CHD1L: variants seen among roughly 807,000 people sequenced by gnomAD.
CHD1L encodes the protein chromodomain helicase DNA binding protein 1 like, also known as ATP-dependent chromatin remodeler CHD1L.
CHD1L carries 118 observed loss-of-function variants against 115.9 expected under a neutral mutation model. The ratio of observed to expected loss-of-function variants is 1.02; its 90% CI spans 0.88 to 1.19. The LOEUF is 1.19. Ranked by LOEUF, CHD1L falls within the 50% of genes most tolerant of loss-of-function variation. The probability of loss-of-function intolerance (pLI) is 0.00; values close to 1 mark genes in which losing one functional copy is unlikely to be tolerated. For missense variants in CHD1L, 1,179 were observed against 1,065.3 expected (o/e 1.11, Z -1.49); for synonymous variants, 411 against 387.1 (o/e 1.06, Z -0.72).
chr1:147,198,977 G>A, the CHD1L span, among the ~76,000 whole-genome samples: 3 of 151,518 alleles, frequency 2.0e-5, no homozygotes, highest in African/African-American at 7.3e-5. Context: ...GAGATTTGGT[G>A]TAACTTGATA....
intron 14 of CHD1L, among the ~76,000 whole-genome samples, chr1:147,277,797 A>T (rs1255726742): frequency 6.6e-6 from 1 of 152,166 alleles, no homozygotes; most frequent in Non-Finnish European, 1.5e-5. Context: ...AAGAGAGAGA[A>T]GGTCACTGCT....
the CHD1L span, chr1:147,211,592 T>A: frequency 1.3e-5 from 2 of 152,210 alleles, no homozygotes; most frequent in African/African-American, 4.8e-5. Flanking sequence ...CATGGCTTAA[T>A]TAAAGTTACT....
the CHD1L span, chr1:147,203,391 G>T: frequency 1.0e-6 from 1 of 993,718 alleles, no homozygotes; most frequent in Non-Finnish European, 1.6e-6. Flanking sequence ...CATTAGCAGC[G>T]AGTTTGATAG....
chr1:147,225,033 C>A, the CHD1L span: 1 of 1,588,150 alleles, frequency 6.3e-7, no homozygotes, highest in South Asian at 1.1e-5. Context: ...TAGTCATGGT[C>A]TCCCGAGATC....
the CHD1L span, among the ~76,000 whole-genome samples, chr1:147,182,535 G>A: frequency 6.6e-6 from 1 of 152,188 alleles, no homozygotes; most frequent in African/African-American, 2.4e-5. Context: ...GTTAAATGTA[G>A]CTGAAGCTAA....
At chr1:147,207,816 G>A in the CHD1L span, among the ~76,000 whole-genome samples, 10 of 152,104 alleles carry the variant, frequency 6.6e-5, no homozygotes, top group Non-Finnish European at 1.3e-4. Context: ...CTACCCATTC[G>A]CTCTGAAGTA....
chr1:147,279,833 CCT>C (rs1357299905), intron 14 of CHD1L, among the ~76,000 whole-genome samples, 191 bp from the exon 15 acceptor site: 2 of 152,070 alleles, frequency 1.3e-5, no homozygotes, highest in African/African-American at 2.4e-5. Context: ...TCATTTATCA[CCT>C]CTCTGCTTAC....
chr1:147,237,097 C>T, the CHD1L span, among the ~76,000 whole-genome samples: 2 of 152,194 alleles, frequency 1.3e-5, no homozygotes, highest in African/African-American at 2.4e-5. Context: ...CCTGAGGGGG[C>T]CAAAGCCATG....
chr1:147,260,196 A>C, intron 6 of CHD1L: 1 of 262,838 alleles, frequency 3.8e-6, no homozygotes, highest in Non-Finnish European at 7.4e-6. Context: ...ATTCGGGTTC[A>C]CTCTTGGTGG....
chr1:147,174,969 C>A, the CHD1L span: 1 of 152,278 alleles, frequency 6.6e-6, no homozygotes, highest in South Asian at 2.1e-4. Context: ...CAAGCCTTTA[C>A]ACACACTGCT....
At chr1:147,232,140 G>A in the CHD1L span, among the ~76,000 whole-genome samples, 4 of 152,180 alleles carry the variant, frequency 2.6e-5, no homozygotes, top group East Asian at 3.9e-4. Flanking sequence ...TTGAGGGAGG[G>A]CTGCAAAGGA....
the CHD1L span, among the ~76,000 whole-genome samples, chr1:147,228,527 T>C: frequency 6.6e-6 from 1 of 152,234 alleles, no homozygotes; most frequent in African/African-American, 2.4e-5. Flanking sequence ...ATATACCCAG[T>C]AATGGGATGG....
At chr1:147,239,569 G>T (rs781990626), upstream of CHD1L, among the ~76,000 whole-genome samples, 3 of 152,106 alleles carry the variant, frequency 2.0e-5, no homozygotes, top group Non-Finnish European at 4.4e-5. Context: ...CCAGACTACT[G>T]CAATAGTTTC....
At chr1:147,287,510 G>A (rs1219904657) in intron 18 of CHD1L, 125 bp from the exon 19 acceptor site, 2 of 637,748 alleles carry the variant, frequency 3.1e-6, no homozygotes, top group Non-Finnish European at 5.4e-6. Context: ...TAGGAGATAA[G>A]ATATTTTGTT....
chr1:147,223,942 C>T, the CHD1L span: 11 of 376,174 alleles, frequency 2.9e-5, no homozygotes, highest in East Asian at 8.2e-5. Context: ...ATACCCCCAT[C>T]GAGACACCAC....
the CHD1L span, among the ~76,000 whole-genome samples, chr1:147,189,899 C>T: frequency 6.6e-6 from 1 of 152,112 alleles, no homozygotes. Flanking sequence ...TACCTTCTGC[C>T]TTCTGATTTT....
At chr1:147,247,175 G>A (rs1243976188) in intron 1 of CHD1L, among the ~76,000 whole-genome samples, 1 of 152,178 alleles carries the variant, frequency 6.6e-6, no homozygotes, top group African/African-American at 2.4e-5. Flanking sequence ...ATTGTGGTCA[G>A]AGAACATACT....
At chr1:147,201,016 A>G in the CHD1L span, 1 of 672,596 alleles carries the variant, frequency 1.5e-6, no homozygotes, top group Non-Finnish European at 2.5e-6. Context: ...ACTCAAAAAT[A>G]TATTTTTCTG....
chr1:147,247,060 A>G (rs12047915), intron 1 of CHD1L, among the ~76,000 whole-genome samples: 8,372 of 152,140 alleles, frequency 0.055, 534 homozygotes, highest in East Asian at 0.17. Context: ...TTCCCTGGAG[A>G]CTTCCTCTTT....
Sources: allele counts gnomAD v4.1 joint callset (sites outside exome capture counted in the v4.1 genomes callset), GRCh38; gene constraint gnomAD v4.1.1; transcripts MANE v1.5; gene names NCBI Gene and HGNC (gene_info 2026-07-23, HGNC 2026-07-21).